Variants in MFN1 observed in about 807,000 individuals in gnomAD.
MFN1 encodes mitofusin 1.
MFN1 carries 65 observed loss-of-function variants against 92.4 expected under a neutral mutation model. The ratio of observed to expected loss-of-function variants is 0.70; its 90% CI spans 0.58 to 0.86. MFN1 has a LOEUF of 0.86. MFN1 is among the 40% of genes least tolerant of loss of function. MFN1 has a pLI of 0.00. For missense variants in MFN1, 781 were observed against 868.0 expected (o/e 0.90, Z 1.26); for synonymous variants, 297 against 300.9 (o/e 0.99, Z 0.13).
At chr3:179,354,983 G>A (rs1712292025) in intron 3 of MFN1, among the ~76,000 whole-genome samples, 1 of 152,102 alleles carries the variant, frequency 6.6e-6, no homozygotes, top group Non-Finnish European at 1.5e-5. Context: ...TATTTGTAGA[G>A]ATGGGATTTC....
At chr3:179,348,783 C>A in intron 1 of MFN1, 62 bp from the exon 2 acceptor site, 1 of 1,570,328 alleles carries the variant, frequency 6.4e-7, no homozygotes, top group South Asian at 1.1e-5. Flanking sequence ...ACTGGTGTGT[C>A]ATCAGTTTGC....
intron 9 of MFN1, among the ~76,000 whole-genome samples, chr3:179,373,645 C>A (rs1577010768): frequency 6.6e-6 from 1 of 151,994 alleles, no homozygotes; most frequent in East Asian, 1.9e-4. Context: ...TGAAATAAGA[C>A]AAATTGTAAT....
At chr3:179,385,060 C>T (rs532555691) in intron 14 of MFN1, among the ~76,000 whole-genome samples, 1 of 151,364 alleles carries the variant, frequency 6.6e-6, no homozygotes, top group Admixed American at 6.6e-5. Context: ...CATCCACCAC[C>T]TCGCTGGGCT....
At chr3:179,353,042 G>A (rs1399070491) in intron 3 of MFN1, among the ~76,000 whole-genome samples, 5 of 146,690 alleles carry the variant, frequency 3.4e-5, no homozygotes, top group Admixed American at 6.9e-5. Flanking sequence ...GTGAGCCACC[G>A]CATCCAGCCT....
intron 3 of MFN1, among the ~76,000 whole-genome samples, chr3:179,354,708 G>A (rs1444246316): frequency 6.6e-6 from 1 of 152,212 alleles, no homozygotes; most frequent in East Asian, 1.9e-4. Context: ...TTTCTTGATT[G>A]TATGCCAAAC....
intron 16 of MFN1, among the ~76,000 whole-genome samples, chr3:179,388,181 G>A (rs1271505669): frequency 1.3e-5 from 2 of 151,942 alleles, no homozygotes; most frequent in African/African-American, 4.8e-5. Flanking sequence ...GAGCCACCGC[G>A]CCCAGCCAGA....
Position 179,373,729 on chromosome 3 carries a change from A to C in MFN1, c.976-1491A>C, listed in dbSNP as rs1014374015. On this transcript the variant is annotated intron_variant, in intron 9 of 17. Transcript: ENST00000471841. Reference sequence around the variant, plus strand: ...CGCTCTGTCGCCCAGGCTGGAGTGCAGTGGCGCTATCTCAGCTCACTGCAA... The same window carrying C: ...CGCTCTGTCGCCCAGGCTGGAGTGCCGTGGCGCTATCTCAGCTCACTGCAA... Among the ~76,000 whole-genome samples, 9 of 151,944 alleles carry C rather than the reference A, an allele frequency of 5.9e-5. No individual in the cohort carries two copies. In the South Asian group the frequency reaches 1.9e-3, roughly 31 times the overall value.
Position 179,375,342 on chromosome 3 carries a change from G to T in MFN1, c.1097+1G>T. The T allele has an allele frequency of 6.2e-7, 1 of 1,610,778 alleles. No homozygotes were observed. On this transcript the variant is annotated splice_donor_variant, in intron 10 of 17. Transcript: ENST00000471841. LOFTEE classifies it high-confidence loss of function. ...TAAACCTGGCAGCTGAAGATAAAAG[G>T]TATGAGTTCATTTTGTTGCAACATA... is the stretch of plus-strand genomic sequence containing the variant.
intron 3 of MFN1, 51 bp from the exon 4 acceptor site, chr3:179,358,789 T>C (rs563145297): frequency 1.2e-5 from 18 of 1,547,590 alleles, no homozygotes; most frequent in Admixed American, 5.9e-5. Context: ...GTGAAAGAAC[T>C]ACTTTTTTTA....
chr3:179,364,512 T>TA, intron 6 of MFN1, 107 bp downstream of exon 6: 1 of 831,934 alleles, frequency 1.2e-6, no homozygotes, highest in Admixed American at 2.5e-5. Flanking sequence ...AAAAAACTTC[T>TA]AAAAACAGGC....
At chr3:179,383,678 A>T (rs942473626) in intron 14 of MFN1, among the ~76,000 whole-genome samples, 1 of 152,078 alleles carries the variant, frequency 6.6e-6, no homozygotes, top group Non-Finnish European at 1.5e-5. Context: ...GGCCATTTTC[A>T]TGATATTGAT....
In MFN1 at chr3:179,364,389, C is replaced by T; in HGVS notation, c.629C>T (p.Ser210Leu). The change falls in exon 6 of 18, where the codon TCA becomes TTA. Residue 210 changes from serine (S) to leucine (L), a missense_variant. Physicochemically the swap from Ser to Leu is moderately radical, Grantham distance 145. Coordinates refer to ENST00000471841, the MANE Select transcript of MFN1 (RefSeq NM_033540.3). The stretch of plus-strand genomic sequence containing the variant: ...TTTGTTTTGGTCGCAAACTCTGAAT[C>T]AACACTAATGAATACGGTAGGATTT... ...DVFVLVANSE[S>L]TLMNTEKHFF... 6.2e-7 allele frequency: 1 copy of T among 1,608,004 alleles called. No individual in the cohort carries two copies. Among genetic ancestry groups the T allele is most frequent in the Non-Finnish European group, 8.5e-7 (1 of 1,174,604 alleles).
chr3:179,356,002 G>A (rs533868951), intron 3 of MFN1, among the ~76,000 whole-genome samples: 47 of 151,490 alleles, frequency 3.1e-4, no homozygotes, highest in African/African-American at 1.1e-3. Context: ...AGAAAGCATT[G>A]GTATGGTATA....
intron 14 of MFN1, among the ~76,000 whole-genome samples, chr3:179,383,554 G>T (rs948244096): frequency 6.6e-5 from 10 of 152,178 alleles, no homozygotes; most frequent in African/African-American, 2.4e-4. Flanking sequence ...GGCAATGCGG[G>T]CTCTTTTTTG....
chr3:179,356,107 T>G (rs917479514), intron 3 of MFN1, among the ~76,000 whole-genome samples: 2 of 152,218 alleles, frequency 1.3e-5, no homozygotes, highest in African/African-American at 4.8e-5. Flanking sequence ...GTTTTCATAA[T>G]GAGCCCTTTT....
At chr3:179,362,875 A>G (rs1436411253) in intron 5 of MFN1, among the ~76,000 whole-genome samples, 2 of 152,152 alleles carry the variant, frequency 1.3e-5, no homozygotes, top group African/African-American at 4.8e-5. Flanking sequence ...TTTTCCTTTT[A>G]AATGGAAATG....
intron 3 of MFN1, 100 bp from the exon 4 acceptor site, chr3:179,358,740 A>G (rs1712443282): frequency 4.8e-6 from 6 of 1,249,770 alleles, no homozygotes; most frequent in Non-Finnish European, 6.6e-6. Flanking sequence ...AAGAAATCTT[A>G]ACAAAATTTG....
intron 6 of MFN1, among the ~76,000 whole-genome samples, chr3:179,364,909 G>T (rs1037019528): frequency 4.6e-5 from 7 of 152,134 alleles, no homozygotes; most frequent in Admixed American, 2.0e-4. Flanking sequence ...CAGAGTTTAG[G>T]TAATCTAATA....
chr3:179,359,596 C>CT (rs1167385875), intron 4 of MFN1: 15,162 of 87,306 alleles, frequency 0.17, 1,496 homozygotes, highest in African/African-American at 0.23. Flanking sequence ...AATTTTCGTA[C>CT]TTTTTTTTTT....
Sources: allele counts gnomAD v4.1 joint callset (sites outside exome capture counted in the v4.1 genomes callset), GRCh38; gene constraint gnomAD v4.1.1; transcripts MANE v1.5; gene names NCBI Gene and HGNC (gene_info 2026-07-23, HGNC 2026-07-21).